The following TMEM132C variants were observed in gnomAD, a reference collection of about 807,000 sequenced individuals.
TMEM132C encodes protein phosphatase 1, regulatory subunit 152.
TMEM132C carries 29 observed loss-of-function variants against 61.4 expected under a neutral mutation model. The ratio of observed to expected loss-of-function variants is 0.47; its 90% CI spans 0.35 to 0.64. The LOEUF (loss-of-function observed/expected upper bound fraction) is 0.64, where lower values mean the gene tolerates loss of function less well. TMEM132C is among the 30% of genes least tolerant of loss of function. TMEM132C has a pLI of 0.00. For missense variants in TMEM132C, 1,408 were observed against 1,476.9 expected (o/e 0.95, Z 0.76); for synonymous variants, 656 against 633.1 (o/e 1.04, Z -0.54).
At chr12:128,396,309 GGTAGTTGTAAGT>G (rs1182795569) in intron 1 of TMEM132C, among the ~76,000 whole-genome samples, 1 of 152,040 alleles carries the variant, frequency 6.6e-6, no homozygotes, top group Non-Finnish European at 1.5e-5. Flanking sequence ...AAAAATAATA[GGTAGTTGTAAGT>G]GGGAGTTGAA....
intron 1 of TMEM132C, among the ~76,000 whole-genome samples, chr12:128,340,146 G>T (rs1872910287): frequency 6.6e-6 from 1 of 152,206 alleles, no homozygotes; most frequent in Non-Finnish European, 1.5e-5. Flanking sequence ...ACGCTCTGTG[G>T]AAAGTATGGG....
intron 4 of TMEM132C, among the ~76,000 whole-genome samples, chr12:128,633,292 T>C (rs2135595108): frequency 6.6e-6 from 1 of 152,256 alleles, no homozygotes; most frequent in African/African-American, 2.4e-5. Context: ...ATTGGTTACA[T>C]TGACAGCCCT....
intron 3 of TMEM132C, among the ~76,000 whole-genome samples, chr12:128,582,321 T>C (rs1875367997): frequency 6.6e-6 from 1 of 152,018 alleles, no homozygotes. Flanking sequence ...CAGTGTCAAT[T>C]CAAGCATTTC....
At chr12:128,659,260 G>A (rs1023502250) in intron 4 of TMEM132C, among the ~76,000 whole-genome samples, 6 of 152,144 alleles carry the variant, frequency 3.9e-5, no homozygotes, top group Non-Finnish European at 8.8e-5. Flanking sequence ...ACAGGAATTG[G>A]CTCCTGTGTC....
At chr12:128,588,725 T>G (rs926257683) in intron 3 of TMEM132C, among the ~76,000 whole-genome samples, 2 of 152,104 alleles carry the variant, frequency 1.3e-5, no homozygotes, top group Non-Finnish European at 2.9e-5. Flanking sequence ...CCTCTTTCCT[T>G]CCACCAAGTG....
chr12:128,453,669 C>T (rs1049601639), intron 2 of TMEM132C, among the ~76,000 whole-genome samples: 1 of 152,132 alleles, frequency 6.6e-6, no homozygotes, highest in Non-Finnish European at 1.5e-5. Flanking sequence ...GATCCACCTT[C>T]TGGAGCTGGG....
intron 1 of TMEM132C, among the ~76,000 whole-genome samples, chr12:128,394,182 A>G (rs930757719): frequency 1.3e-5 from 2 of 151,990 alleles, no homozygotes; most frequent in African/African-American, 4.8e-5. Context: ...ATCAGATCTC[A>G]TGAGACTTAC....
At chr12:128,427,626 G>T (rs529525195) in intron 2 of TMEM132C, among the ~76,000 whole-genome samples, 1 of 151,952 alleles carries the variant, frequency 6.6e-6, no homozygotes. Context: ...CCAAGCTCTC[G>T]ATACTCCATC....
chr12:128,384,582 T>G (rs1874518297), intron 1 of TMEM132C, among the ~76,000 whole-genome samples: 1 of 152,160 alleles, frequency 6.6e-6, no homozygotes, highest in African/African-American at 2.4e-5. Context: ...GTGAGGCCAC[T>G]GTGTTGGGGA....
chr12:128,417,980 G>C (rs1868838510), intron 2 of TMEM132C, among the ~76,000 whole-genome samples: 2 of 152,234 alleles, frequency 1.3e-5, no homozygotes, highest in South Asian at 4.1e-4. Flanking sequence ...TCACATTAAA[G>C]GGTACTGCTT....
intron 1 of TMEM132C, among the ~76,000 whole-genome samples, chr12:128,305,206 C>CTATAA (rs1442752479): frequency 6.6e-6 from 1 of 151,896 alleles, no homozygotes; most frequent in African/African-American, 2.4e-5. Flanking sequence ...GACTCCATCT[C>CTATAA]TACAATAATA....
At chr12:128,701,910 T>G (rs1250978381) in intron 8 of TMEM132C, among the ~76,000 whole-genome samples, 2 of 151,150 alleles carry the variant, frequency 1.3e-5, no homozygotes, top group Non-Finnish European at 2.9e-5. Context: ...TTTTTTTTTT[T>G]TTTTTTTGAG....
intron 4 of TMEM132C, among the ~76,000 whole-genome samples, chr12:128,636,839 C>G (rs1342561736): frequency 6.6e-6 from 1 of 152,062 alleles, no homozygotes; most frequent in African/African-American, 2.4e-5. Context: ...TCAGAGACCA[C>G]CTATGAATGG....
chr12:128,517,742 G>C (rs1229975505), intron 2 of TMEM132C, among the ~76,000 whole-genome samples: 1 of 152,158 alleles, frequency 6.6e-6, no homozygotes, highest in Non-Finnish European at 1.5e-5. Flanking sequence ...AATTCTCCAA[G>C]CTTTACCCAG....
chr12:128,285,528 G>A (rs1298159846), intron 1 of TMEM132C, among the ~76,000 whole-genome samples: 2 of 152,118 alleles, frequency 1.3e-5, no homozygotes, highest in East Asian at 1.9e-4. Context: ...AGGCAGCAGA[G>A]GAACTTTTAC....
intron 2 of TMEM132C, among the ~76,000 whole-genome samples, chr12:128,447,178 C>A (rs1326013972): frequency 6.6e-6 from 1 of 152,152 alleles, no homozygotes; most frequent in South Asian, 2.1e-4. Flanking sequence ...TCGCCCCTGT[C>A]CCTCCTGCGC....
At chr12:128,346,436 G>T (rs375270705) in intron 1 of TMEM132C, among the ~76,000 whole-genome samples, 1 of 152,090 alleles carries the variant, frequency 6.6e-6, no homozygotes, top group South Asian at 2.1e-4. Flanking sequence ...TTCTAGTTCT[G>T]TGAAGTATCT....
intron 5 of TMEM132C, among the ~76,000 whole-genome samples, chr12:128,693,494 AATATTCCCT>A (rs1455905957): frequency 6.6e-6 from 1 of 152,162 alleles, no homozygotes; most frequent in Admixed American, 6.5e-5. Context: ...GGTAGCTAAA[AATATTCCCT>A]CCTCTTACTC....
intron 1 of TMEM132C, among the ~76,000 whole-genome samples, chr12:128,310,893 G>A (rs1871943855): frequency 6.6e-6 from 1 of 152,116 alleles, no homozygotes; most frequent in Non-Finnish European, 1.5e-5. Flanking sequence ...AATGTTCCCA[G>A]AATAAAGAGA....
Sources: allele counts gnomAD v4.1 joint callset (sites outside exome capture counted in the v4.1 genomes callset), GRCh38; gene constraint gnomAD v4.1.1; transcripts MANE v1.5; gene names NCBI Gene and HGNC (gene_info 2026-07-23, HGNC 2026-07-21).